The following ZNF107 variants were observed in gnomAD, a reference collection of about 807,000 sequenced individuals.
ZNF107 encodes C2H2 type zinc-finger protein.
ZNF107 carries 19 observed loss-of-function variants against 12.3 expected under a neutral mutation model. The observed-to-expected ratio is 1.55, with a 90% CI of 1.08 to 2.27. The LOEUF (loss-of-function observed/expected upper bound fraction) is 2.27, where lower values mean the gene tolerates loss of function less well. Ranked by LOEUF, ZNF107 falls within the 30% of genes most tolerant of loss-of-function variation. The probability of loss-of-function intolerance (pLI) is 0.00; values close to 1 mark genes in which losing one functional copy is unlikely to be tolerated. For synonymous variants in ZNF107, 317 were observed against 330.5 expected (o/e 0.96, Z 0.44); for missense variants, 958 against 979.9 (o/e 0.98, Z 0.30).
chr7:64,674,590 AT>A (rs1789351999), intron 1 of ZNF107, among the ~76,000 whole-genome samples: 1 of 152,100 alleles, frequency 6.6e-6, no homozygotes, highest in African/African-American at 2.4e-5. Flanking sequence ...GATGCCTTTT[AT>A]TTTTGTCGCT....
Position 64,706,688 on chromosome 7 carries a change from A to C in ZNF107, c.591A>C (p.Arg197Ser), listed in dbSNP as rs764962211. ...QLTQHRRIHT[R>S]VNSYKCEECG... ...CTCAGCATAGAAGAATTCATACTAGAGTGAATTCCTACAAATGTGAAGAAT... is the reference window on the plus strand; with the variant it reads ...CTCAGCATAGAAGAATTCATACTAGCGTGAATTCCTACAAATGTGAAGAAT... Residue 197 changes from arginine to serine, a missense_variant, in exon 4 of 4, where the codon AGA becomes AGC. Arg to Ser is a moderately radical substitution (Grantham distance 110). Transcript: ENST00000620827. 5 of 1,612,838 alleles carry C rather than the reference A, an allele frequency of 3.1e-6. No homozygotes were observed. Among genetic ancestry groups the C allele is most frequent in the Non-Finnish European group, 3.4e-6 (4 of 1,179,566 alleles).
intron 1 of ZNF107, among the ~76,000 whole-genome samples, chr7:64,668,061 T>G (rs1789071884): frequency 1.3e-5 from 2 of 150,880 alleles, no homozygotes; most frequent in African/African-American, 4.9e-5. Flanking sequence ...ACAGAGAGGG[T>G]GGTCATTGGG....
intron 3 of ZNF107, among the ~76,000 whole-genome samples, chr7:64,697,031 T>C (rs951936415): frequency 6.7e-6 from 1 of 149,374 alleles, no homozygotes; most frequent in Non-Finnish European, 1.5e-5. Flanking sequence ...AGTGTTCTCA[T>C]TGTTCAGTTC....
At chr7:64,682,114 C>G (rs927509616) in intron 1 of ZNF107, among the ~76,000 whole-genome samples, 1 of 23,362 alleles carries the variant, frequency 4.3e-5, no homozygotes, top group Non-Finnish European at 1.0e-4. Context: ...TCCAGTATGT[C>G]GATGATCTCT....
chr7:64,700,436 C>G (rs1202575232), intron 3 of ZNF107, among the ~76,000 whole-genome samples: 1 of 151,392 alleles, frequency 6.6e-6, no homozygotes, highest in Non-Finnish European at 1.5e-5. Context: ...TTCCTGAGAT[C>G]CTCACCAGAA....
At chr7:64,673,393 G>T (rs1789307551) in intron 1 of ZNF107, among the ~76,000 whole-genome samples, 1 of 152,164 alleles carries the variant, frequency 6.6e-6, no homozygotes, top group African/African-American at 2.4e-5. Flanking sequence ...CTTTTGAAAA[G>T]CATCTGTTCA....
intron 3 of ZNF107, among the ~76,000 whole-genome samples, chr7:64,698,658 T>A (rs942038704): frequency 4.6e-5 from 7 of 152,148 alleles, no homozygotes; most frequent in Non-Finnish European, 1.0e-4. Flanking sequence ...TGACCTCAGG[T>A]GATCTGCCCA....
chr7:64,700,267 C>T lies in ZNF107; in HGVS notation c.227-6057C>T, dbSNP rs1163540266. Among the ~76,000 whole-genome samples the T allele has an allele frequency of 3.9e-5, 6 of 151,952 alleles. 1 individual carries two copies. Among genetic ancestry groups the T allele is most frequent in the African/African-American group, 1.4e-4 (6 of 41,380 alleles). On this transcript the variant is annotated intron_variant, in intron 3 of 3. Transcript: ENST00000620827. ...GCCAACTTCCTCGTGAATAGCTTGG[C>T]GTCATCCTCTTGGTAATCAAAAAGT...
chr7:64,710,371 G>A lies in ZNF107; in HGVS notation c.*1715G>A, dbSNP rs962785022. On this transcript the variant is annotated 3_prime_UTR_variant, in exon 4 of 4. Transcript: ENST00000620827. ...AACTACAGCTTAGAAAATACCAGAGGCCTCATACTAAAATATATTTTTGCA... is the reference window on the plus strand; with the variant it reads ...AACTACAGCTTAGAAAATACCAGAGACCTCATACTAAAATATATTTTTGCA... 2 of 151,864 alleles carry A rather than the reference G, an allele frequency of 1.3e-5. No individual in the cohort carries two copies. The highest frequency in any genetic ancestry group is 4.8e-5 in the African/African-American group (2 of 41,358). 9.4% of individuals were successfully genotyped at this position (151,864 alleles called of 1,614,324 possible).
Position 64,707,059 on chromosome 7 carries a change from C to T in ZNF107, c.962C>T (p.Ala321Val), listed in dbSNP as rs1368137113. The change falls in exon 4 of 4, where the codon GCT becomes GTT. Residue 321 changes from alanine to valine, a missense_variant. Transcript: ENST00000620827. ...NLYKCKECGK[A>V]FNLFSNLTNH... Reference sequence around the variant, plus strand: ...TACAAGTGTAAAGAATGTGGAAAAGCTTTTAACCTATTCTCAAATCTTACT... The same window carrying T: ...TACAAGTGTAAAGAATGTGGAAAAGTTTTTAACCTATTCTCAAATCTTACT... 11 of 1,611,414 alleles carry T rather than the reference C, an allele frequency of 6.8e-6. No individual in the cohort carries two copies. The highest frequency in any genetic ancestry group is 1.7e-4 in the Middle Eastern group (1 of 6,060).
intron 1 of ZNF107, among the ~76,000 whole-genome samples, chr7:64,685,968 G>A (rs1789890256): frequency 6.6e-6 from 1 of 152,068 alleles, no homozygotes; most frequent in Admixed American, 6.5e-5. Flanking sequence ...TAGCAGGTTT[G>A]TCCCCTTCCC....
chr7:64,706,338 T>C lies in ZNF107; in HGVS notation c.241T>C (p.Phe81Leu), dbSNP rs1346312627. The change falls in exon 4 of 4, where the codon TTT (phenylalanine) becomes CTT (leucine). Residue 81 changes from phenylalanine to leucine, a missense_variant. Physicochemically the swap from Phe to Leu is conservative, Grantham distance 22. Transcript: ENST00000620827. ...ATTTCTTTCAGTAATGTCTTTTCATTTTGCCCAAGACCTTTGGCCAGAGCA... is the reference window on the plus strand; with the variant it reads ...ATTTCTTTCAGTAATGTCTTTTCATCTTGCCCAAGACCTTTGGCCAGAGCA... ...VAKPPVMSFH[F>L]AQDLWPEQNI... is the part of the protein sequence containing the mutation. The C allele has an allele frequency of 6.5e-7, 1 of 1,538,882 alleles. No homozygotes were observed. The highest frequency in any genetic ancestry group is 2.1e-5 in the Admixed American group (1 of 47,186).
Position 64,697,387 on chromosome 7 carries a change from C to T in ZNF107, c.226+5427C>T, listed in dbSNP as rs933227832. 3.2e-4 allele frequency among the ~76,000 whole-genome samples: 49 copies of T among 152,270 alleles called. 1 individual carries two copies. The highest frequency in any genetic ancestry group is 1.0e-3 in the South Asian group (5 of 4,832). The stretch of plus-strand genomic sequence containing the variant: ...TTCTAGTTCTAGATCCCTGAGGAAT[C>T]GCCACACCGACTTCCACAATGGTTG... On this transcript the variant is annotated intron_variant, in intron 3 of 3. Transcript: ENST00000620827.
rs1309398121 is a variant in ZNF107 at position 64,700,560 on chromosome 7, CAGGCTGTGGAGTGCAGTGGCAT to C, written c.227-5757_227-5736del. ...TGAGACTGAGTCTTCCTCTGTTGCC[CAGGCTGTGGAGTGCAGTGGCAT>C]AGGCTGGAGTGCAGTGGCGTGATCC... On this transcript the variant is annotated intron_variant, in intron 3 of 3. Transcript: ENST00000620827. Among the ~76,000 whole-genome samples the C allele has an allele frequency of 3.4e-4, 6 of 17,858 alleles. No individual in the cohort carries two copies. The South Asian group carries it at 6.9e-3, about 21-fold the overall frequency. 11.7% of individuals were successfully genotyped at this position (17,858 alleles called of 152,430 possible).
chr7:64,688,245 T>C (rs1191391433), intron 1 of ZNF107, among the ~76,000 whole-genome samples: 1 of 146,700 alleles, frequency 6.8e-6, no homozygotes, highest in Non-Finnish European at 1.5e-5. Flanking sequence ...CCATATTTTT[T>C]CCCTTCCTCC....
chr7:64,668,823 T>C (rs1229024092), intron 1 of ZNF107, among the ~76,000 whole-genome samples: 1 of 151,932 alleles, frequency 6.6e-6, no homozygotes, highest in Non-Finnish European at 1.5e-5. Flanking sequence ...GAAAAAAACC[T>C]CTCTTCCATT....
At chr7:64,700,425 C>T (rs1790435850) in intron 3 of ZNF107, among the ~76,000 whole-genome samples, 1 of 150,946 alleles carries the variant, frequency 6.6e-6, no homozygotes, top group South Asian at 2.1e-4. Flanking sequence ...TGATCGTAAG[C>T]TTCCTGAGAT....
intron 1 of ZNF107, chr7:64,690,622 C>T (rs1257384792): frequency 2.6e-6 from 2 of 780,604 alleles, no homozygotes; most frequent in Non-Finnish European, 1.6e-6. Flanking sequence ...TCCTGCAGAT[C>T]CAGTAGTTTC....
At chr7:64,705,786 T>G (rs545459736) in intron 3 of ZNF107, among the ~76,000 whole-genome samples, 151 of 152,056 alleles carry the variant, frequency 9.9e-4, no homozygotes, top group Non-Finnish European at 1.9e-3. Flanking sequence ...CTGTCTGTAG[T>G]ACTGCAGTCT....
Sources: gnomAD v4.1 joint callset for allele counts (sites outside exome capture counted in the v4.1 genomes callset) on GRCh38, gnomAD v4.1.1 for gene constraint, MANE v1.5 for transcripts, NCBI Gene and HGNC (gene_info 2026-07-23, HGNC 2026-07-21) for gene names.